The following TDRD12 variants were observed in gnomAD, a reference collection of about 807,000 sequenced individuals.
TDRD12 encodes the protein putative ATP-dependent RNA helicase TDRD12.
In TDRD12, 158 loss-of-function variants were observed where a neutral mutation model predicts 133.5. The ratio of observed to expected loss-of-function variants is 1.18; its 90% CI spans 1.04 to 1.35. The LOEUF is 1.35. Among genes scored for constraint, TDRD12 ranks in the 40% most tolerant of loss-of-function variants. The pLI, the probability that TDRD12 is intolerant of heterozygous loss-of-function variation, is 0.00. For synonymous variants in TDRD12, 460 were observed against 477.9 expected (o/e 0.96, Z 0.49); for missense variants, 1,443 against 1,321.3 (o/e 1.09, Z -1.43).
At chr19:32,798,464 C>A in intron 16 of TDRD12, 29 bp downstream of exon 16, 1 of 1,506,678 alleles carries the variant, frequency 6.6e-7, no homozygotes, top group South Asian at 1.2e-5. Context: ...CCTCAGCACT[C>A]AGAAGAGAGG....
At chr19:32,721,669 C>CACGCCCGGCCG (rs1968671973) in intron 1 of TDRD12, among the ~76,000 whole-genome samples, 1 of 145,718 alleles carries the variant, frequency 6.9e-6, no homozygotes. Context: ...CGTGAGCCAC[C>CACGCCCGGCCG]GTGCCTGGCC....
intron 11 of TDRD12, among the ~76,000 whole-genome samples, chr19:32,782,975 C>G (rs567128172): frequency 5.9e-5 from 9 of 152,316 alleles, no homozygotes; most frequent in African/African-American, 2.2e-4. Flanking sequence ...TAATTAGATT[C>G]TATTTGTCAA....
At chr19:32,727,910 T>C (rs998681363) in intron 1 of TDRD12, among the ~76,000 whole-genome samples, 7 of 152,150 alleles carry the variant, frequency 4.6e-5, no homozygotes, top group African/African-American at 1.7e-4. Flanking sequence ...TCAGGTGATC[T>C]GCCTGCTTTG....
At chr19:32,797,214 C>T (rs10426834) in intron 14 of TDRD12, among the ~76,000 whole-genome samples, 57,743 of 151,840 alleles carry the variant, frequency 0.38, 11,164 homozygotes, top group East Asian at 0.49. Flanking sequence ...CTCCTGACCT[C>T]GGGTGATCCA....
intron 8 of TDRD12, among the ~76,000 whole-genome samples, chr19:32,759,705 G>A (rs914829051): frequency 6.6e-6 from 1 of 152,150 alleles, no homozygotes; most frequent in East Asian, 1.9e-4. Context: ...TCACAGAAAT[G>A]GGGTCCTACT....
At chr19:32,741,502 C>T (rs989672580) in intron 3 of TDRD12, among the ~76,000 whole-genome samples, 5 of 152,230 alleles carry the variant, frequency 3.3e-5, no homozygotes, top group African/African-American at 9.6e-5. Context: ...TGCATACAAC[C>T]GTAATCGCTG....
chr19:32,777,478 G>T (rs919368688), intron 11 of TDRD12, among the ~76,000 whole-genome samples: 3 of 151,888 alleles, frequency 2.0e-5, no homozygotes, highest in South Asian at 4.2e-4. Flanking sequence ...GATTCTCTTG[G>T]TGAAGTGAAC....
In TDRD12 at chr19:32,781,687, T is replaced by TTCTC. The variant is rs35069423; in HGVS notation, c.1121+4480_1121+4483dup. Among the ~76,000 whole-genome samples, 395 of 148,380 alleles carry TTCTC rather than the reference T, an allele frequency of 2.7e-3. 1 individual carries two copies. The highest frequency in any genetic ancestry group is 7.4e-3 in the African/African-American group (302 of 40,570). Reference sequence around the variant, plus strand: ...TTCTTTATATATGACTCCTTTCCTTTTCTCTCTCTCTCTCTCTCTCTCTCT... The same window carrying TTCTC: ...TTCTTTATATATGACTCCTTTCCTTTTCTCTCTCTCTCTCTCTCTCTCTCTCTCT... On this transcript the variant is annotated intron_variant, in intron 11 of 27. Transcript: ENST00000444215.
intron 7 of TDRD12, 66 bp from the exon 8 acceptor site, chr19:32,756,972 C>T (rs931078036): frequency 2.2e-5 from 29 of 1,340,272 alleles, no homozygotes; most frequent in Non-Finnish European, 2.8e-5. Flanking sequence ...AATGTACTAA[C>T]GAGTTCACAT....
At chr19:32,738,248 A>C (rs1969286733) in intron 2 of TDRD12, among the ~76,000 whole-genome samples, 1 of 152,224 alleles carries the variant, frequency 6.6e-6, no homozygotes, top group Admixed American at 6.5e-5. Flanking sequence ...TTCCTGATTT[A>C]AGAAGGTAAA....
rs113829117 is a variant in TDRD12, at chr19:32,732,856, C to T, written c.183+973C>T. On this transcript the variant is annotated intron_variant, in intron 2 of 27. Coordinates refer to ENST00000444215, the Ensembl canonical transcript of TDRD12. ...CATTGACTAATTGAAGAAGTTAAAC[C>T]AGGTCAATTGTTTTTAAAAATATTC... 4.7e-4 allele frequency among the ~76,000 whole-genome samples: 71 copies of T among 152,196 alleles called. 1 individual carries two copies. The highest frequency in any genetic ancestry group is 1.7e-3 in the African/African-American group (71 of 41,524).
chr19:32,826,153 T>A, downstream of TDRD12: 1 of 1,535,820 alleles, frequency 6.5e-7, no homozygotes, highest in Non-Finnish European at 8.7e-7. Flanking sequence ...CACAGCCGCC[T>A]CTGAAAAGGT....
intron 8 of TDRD12, among the ~76,000 whole-genome samples, chr19:32,765,469 G>A (rs1970268160): frequency 6.6e-6 from 1 of 152,124 alleles, no homozygotes; most frequent in Admixed American, 6.5e-5. Flanking sequence ...ATTCACAATA[G>A]CAAATACTTG....
At chr19:32,730,971 C>T (rs777107392) in intron 1 of TDRD12, among the ~76,000 whole-genome samples, 3 of 152,118 alleles carry the variant, frequency 2.0e-5, no homozygotes, top group African/African-American at 4.8e-5. Context: ...GCTGAGATTG[C>T]GCCACTGCAC....
At chr19:32,761,417 A>G (rs1330767368) in intron 8 of TDRD12, among the ~76,000 whole-genome samples, 4 of 152,186 alleles carry the variant, frequency 2.6e-5, no homozygotes, top group Admixed American at 6.5e-5. Flanking sequence ...GGCATGAGCT[A>G]CTGCGCCTGG....
chr19:32,762,787 C>T (rs913901064), intron 8 of TDRD12, among the ~76,000 whole-genome samples: 5 of 152,158 alleles, frequency 3.3e-5, no homozygotes, highest in African/African-American at 1.2e-4. Flanking sequence ...TCATGTGTTG[C>T]TTACTGATGG....
chr19:32,824,954 A>G (rs1967537751), downstream of TDRD12, among the ~76,000 whole-genome samples: 1 of 152,164 alleles, frequency 6.6e-6, no homozygotes, highest in South Asian at 2.1e-4. Flanking sequence ...GCTTGCTCCC[A>G]GAAGCGGTGT....
intron 27 of TDRD12, 162 bp from the exon 28 acceptor site, chr19:32,820,871 C>G: frequency 1.7e-6 from 1 of 601,264 alleles, no homozygotes; most frequent in East Asian, 2.8e-5. Context: ...TCGGAAGGAA[C>G]AGAGTTGATG....
chr19:32,732,655 C>A (rs1969095059), intron 2 of TDRD12, among the ~76,000 whole-genome samples: 1 of 152,162 alleles, frequency 6.6e-6, no homozygotes, highest in Non-Finnish European at 1.5e-5. Flanking sequence ...AGCTCAGCTA[C>A]TTTTCAGAAG....
Sources: allele counts gnomAD v4.1 joint callset (sites outside exome capture counted in the v4.1 genomes callset), GRCh38; gene constraint gnomAD v4.1.1; transcripts MANE v1.5; gene names NCBI Gene and HGNC (gene_info 2026-07-23, HGNC 2026-07-21).